The following CTNND1 variants were observed in gnomAD, a reference collection of about 807,000 sequenced individuals.
CTNND1 encodes the protein catenin delta 1.
A neutral mutation model predicts 112.1 loss-of-function variants in CTNND1; 16 were observed. The ratio of observed to expected loss-of-function variants is 0.14; its 90% CI spans 0.10 to 0.22. CTNND1 has a LOEUF of 0.22. Among genes scored for constraint, CTNND1 ranks in the 10% least tolerant of loss-of-function variants. The pLI, the probability that CTNND1 is intolerant of heterozygous loss-of-function variation, is 1.00. For synonymous variants in CTNND1, 420 were observed against 446.5 expected (o/e 0.94, Z 0.75); for missense variants, 1,008 against 1,257.0 (o/e 0.80, Z 3.00).
intron 18 of CTNND1, among the ~76,000 whole-genome samples, chr11:57,814,962 ATC>A (rs2063790309): frequency 6.6e-6 from 1 of 152,018 alleles, no homozygotes; most frequent in African/African-American, 2.4e-5. Flanking sequence ...ATTGTCTTCC[ATC>A]TTAGATTCAA....
chr11:57,768,801 T>A (rs935357629), intron 1 of CTNND1, among the ~76,000 whole-genome samples: 5 of 152,150 alleles, frequency 3.3e-5, no homozygotes, highest in Admixed American at 6.6e-5. Flanking sequence ...AGTCAGCTTT[T>A]ATATGTGGAA....
chr11:57,796,434 T>C, intron 5 of CTNND1, 23 bp from the exon 6 acceptor site: 1 of 1,550,420 alleles, frequency 6.4e-7, no homozygotes, highest in Non-Finnish European at 8.7e-7. Context: ...TTAGTTTTTC[T>C]TTTTCTTGTT....
chr11:57,782,659 G>C (rs1266107139), intron 1 of CTNND1, among the ~76,000 whole-genome samples: 4 of 152,200 alleles, frequency 2.6e-5, no homozygotes, highest in Non-Finnish European at 4.4e-5. Context: ...TTAGGTTATA[G>C]TTCATTATGT....
At chr11:57,791,108 ACCTCACCACATTCTC>A in intron 2 of CTNND1, among the ~76,000 whole-genome samples, 1 of 152,184 alleles carries the variant, frequency 6.6e-6, no homozygotes, top group East Asian at 1.9e-4. Context: ...TAACTACAGC[ACCTCACCACATTCTC>A]CCTCTCCTAA....
intron 3 of CTNND1, among the ~76,000 whole-genome samples, chr11:57,793,779 T>A (rs1405080920): frequency 6.6e-6 from 1 of 152,202 alleles, no homozygotes; most frequent in Non-Finnish European, 1.5e-5. Flanking sequence ...GGAGTTTACG[T>A]TCTTATGTTC....
chr11:57,789,730 C>T (rs530440046), intron 2 of CTNND1, among the ~76,000 whole-genome samples: 32 of 152,128 alleles, frequency 2.1e-4, no homozygotes, highest in Non-Finnish European at 4.1e-4. Context: ...TTGTGTTGGG[C>T]CGCATTCAAA....
intron 10 of CTNND1, 70 bp downstream of exon 10, chr11:57,806,105 G>GT: frequency 6.6e-7 from 1 of 1,514,736 alleles, no homozygotes; most frequent in Non-Finnish European, 8.9e-7. Flanking sequence ...TTAGCTTAAG[G>GT]TACAAAATAC....
chr11:57,781,100 G>T (rs1172672732), intron 1 of CTNND1, among the ~76,000 whole-genome samples: 1 of 152,118 alleles, frequency 6.6e-6, no homozygotes, highest in Non-Finnish European at 1.5e-5. Flanking sequence ...CACCACGCCA[G>T]GCTAATTTTT....
intron 1 of CTNND1, among the ~76,000 whole-genome samples, chr11:57,777,836 C>T (rs1448601664): frequency 1.3e-5 from 2 of 152,170 alleles, no homozygotes; most frequent in Admixed American, 1.3e-4. Context: ...GGTGTTGCTT[C>T]TTTGGATTTC....
Position 57,811,381 on chromosome 11 carries a change from A to G in CTNND1, c.2551-18A>G. The G allele has an allele frequency of 6.3e-7, 1 of 1,597,506 alleles. No homozygotes were observed. The highest frequency in any genetic ancestry group is 8.6e-7 in the Non-Finnish European group (1 of 1,166,082). Reference sequence around the variant, plus strand: ...ATTCAGTATTCTGTCACATTGTCGCATTTGTGTTTGCCTCTAGGTGAATCT... The same window carrying G: ...ATTCAGTATTCTGTCACATTGTCGCGTTTGTGTTTGCCTCTAGGTGAATCT... On this transcript the variant is annotated intron_variant, in intron 16 of 20. Transcript: ENST00000399050.
Position 57,788,144 on chromosome 11 carries a change from T to A in CTNND1, c.-213-893T>A, listed in dbSNP as rs1440112768. Among the ~76,000 whole-genome samples, 1 of 152,142 alleles carries A rather than the reference T, an allele frequency of 6.6e-6. No individual in the cohort carries two copies. The highest frequency in any genetic ancestry group is 2.4e-5 in the African/African-American group (1 of 41,424). ...TTTTGAGCTCAGAGTCCTCTTGGTG[T>A]GGAAGGTTCATAGGTCATTGTACAT... On this transcript the variant is annotated intron_variant, in intron 1 of 20. Coordinates refer to ENST00000399050, the MANE Select transcript of CTNND1 (RefSeq NM_001085458.2). The surrounding 1 kb of genome is among the most constrained non-coding windows in gnomAD (Gnocchi z 4.1).
In CTNND1 at chr11:57,789,052, T is replaced by C. The variant is rs892836764; in HGVS notation, c.-198T>C. ...ATTTCTGCAGCTCTCTCCTTCCTGC[T>C]TCCTCCTTGCTGTGGTGGCTGGGAT... On this transcript the variant is annotated 5_prime_UTR_variant, in exon 2 of 21. Transcript: ENST00000399050. The C allele has an allele frequency of 6.5e-7, 1 of 1,535,728 alleles. No homozygotes were observed.
At chr11:57,779,098 A>G (rs918102104) in intron 1 of CTNND1, among the ~76,000 whole-genome samples, 5 of 152,200 alleles carry the variant, frequency 3.3e-5, no homozygotes, top group African/African-American at 1.2e-4. Context: ...AATAAATGTT[A>G]AGTAATGTTC....
intron 8 of CTNND1, 31 bp downstream of exon 8, chr11:57,803,835 T>G: frequency 6.8e-7 from 1 of 1,475,958 alleles, no homozygotes; most frequent in Admixed American, 2.4e-5. Context: ...AATATGAAGA[T>G]GAATTTTTGA....
intron 9 of CTNND1, among the ~76,000 whole-genome samples, chr11:57,805,344 C>T (rs751356851): frequency 1.3e-5 from 2 of 152,096 alleles, no homozygotes; most frequent in Non-Finnish European, 2.9e-5. Flanking sequence ...CTCCTGGGTT[C>T]AAGCAATTCT....
At chr11:57,816,075 G>A (rs967998640) in intron 20 of CTNND1, 74 bp downstream of exon 20, 19 of 1,325,140 alleles carry the variant, frequency 1.4e-5, no homozygotes, top group African/African-American at 5.9e-5. Flanking sequence ...TGTCAATCAC[G>A]CTAATCTGAT....
At position 57,775,926 on chromosome 11, in the gene CTNND1, C is replaced by T. The variant is rs151013150; in HGVS notation, c.-213-13111C>T. 3.3e-4 allele frequency among the ~76,000 whole-genome samples: 50 copies of T among 152,310 alleles called. No homozygotes were observed. The East Asian group carries it at 8.7e-3, about 26-fold the overall frequency. On this transcript the variant is annotated intron_variant, in intron 1 of 20. Transcript: ENST00000399050. ...AGTCTGGGAAGCCTAATCTCTCAGA[C>T]GTTACTTTTACATTCAACCTTATAT...
chr11:57,762,550 T>G (rs1022637141), intron 1 of CTNND1, among the ~76,000 whole-genome samples: 5 of 152,146 alleles, frequency 3.3e-5, no homozygotes, highest in Admixed American at 1.3e-4. Flanking sequence ...TTTGTGGAAG[T>G]GGAAAGTTGC....
chr11:57,772,395 C>T (rs189770524), intron 1 of CTNND1, among the ~76,000 whole-genome samples: 1 of 152,162 alleles, frequency 6.6e-6, no homozygotes, highest in Admixed American at 6.6e-5. Context: ...TAGGCTTGCC[C>T]CACTTGTCTG....
Sources: gnomAD v4.1 joint callset for allele counts (sites outside exome capture counted in the v4.1 genomes callset) on GRCh38, gnomAD v4.1.1 for gene constraint, Gnocchi (gnomAD v3.1) non-coding constraint, MANE v1.5 for transcripts, NCBI Gene and HGNC (gene_info 2026-07-23, HGNC 2026-07-21) for gene names.